The following PDGFD variants were observed in gnomAD, a reference collection of about 807,000 sequenced individuals.
PDGFD encodes the protein platelet-derived growth factor D.
PDGFD carries 30 observed loss-of-function variants against 44.7 expected under a neutral mutation model. The observed-to-expected ratio is 0.67, with a 90% confidence interval of 0.50 to 0.91. The LOEUF is 0.91. Ranked by LOEUF, PDGFD falls within the 40% of genes least tolerant of loss-of-function variation. PDGFD has a pLI of 0.00. For missense variants in PDGFD, 445 were observed against 457.8 expected, an observed-to-expected ratio of 0.97 and a Z score of 0.25; for synonymous variants, 173 against 168.4, an observed-to-expected ratio of 1.03 and a Z score of -0.21.
At chr11:103,974,065 C>A (rs2134346407) in intron 3 of PDGFD, among the ~76,000 whole-genome samples, 1 of 152,028 alleles carries the variant, frequency 6.6e-6, no homozygotes, top group Non-Finnish European at 1.5e-5. Context: ...TTCTTGTTTA[C>A]TGTGTAGAAA....
At chr11:103,980,195 G>C (rs1432424742) in intron 3 of PDGFD, among the ~76,000 whole-genome samples, 1 of 151,838 alleles carries the variant, frequency 6.6e-6, no homozygotes, top group East Asian at 1.9e-4. Flanking sequence ...TCTGTTTTTA[G>C]CATTTCAGGA....
In PDGFD at chr11:104,128,440, G is replaced by A. The variant is rs575529879; in HGVS notation, c.124+35364C>T. Among the ~76,000 whole-genome samples, 230 of 152,138 alleles carry A rather than the reference G, an allele frequency of 1.5e-3. 3 individuals carry two copies. The highest frequency in any genetic ancestry group is 7.7e-3 in the Admixed American group (118 of 15,274). ...CATTCATCACAGCAAACAAAACACC[G>A]ATTTTGCTTTCAAACATCTCTAGAC... On this transcript the variant is annotated intron_variant, in intron 1 of 6. Coordinates refer to ENST00000393158, the MANE Select transcript of PDGFD (RefSeq NM_025208.5).
At chr11:103,911,780 C>T (rs1365557170) in intron 6 of PDGFD, among the ~76,000 whole-genome samples, 1 of 151,846 alleles carries the variant, frequency 6.6e-6, no homozygotes, top group African/African-American at 2.4e-5. Context: ...TAGAGAAGAA[C>T]ATAAATGACC....
chr11:103,980,007 C>A (rs1312116013), intron 3 of PDGFD, among the ~76,000 whole-genome samples: 1 of 151,972 alleles, frequency 6.6e-6, no homozygotes, highest in Non-Finnish European at 1.5e-5. Flanking sequence ...TTAGTTAAGA[C>A]TTTGTATGCG....
At chr11:104,080,647 T>C (rs1861032028) in intron 1 of PDGFD, among the ~76,000 whole-genome samples, 1 of 152,228 alleles carries the variant, frequency 6.6e-6, no homozygotes. Context: ...ATCATGATCC[T>C]TGCTTACTTC....
chr11:103,927,247 C>G, intron 5 of PDGFD, 121 bp from the exon 6 acceptor site: 1 of 841,082 alleles, frequency 1.2e-6, no homozygotes, highest in Non-Finnish European at 1.9e-6. Flanking sequence ...GGGATTAAAT[C>G]CATCCTCAGG....
intron 1 of PDGFD, among the ~76,000 whole-genome samples, chr11:104,093,255 G>A (rs1170215767): frequency 1.3e-5 from 2 of 152,022 alleles, no homozygotes; most frequent in Non-Finnish European, 2.9e-5. Context: ...GGGGGGAGGT[G>A]ATGGGAGATT....
intron 5 of PDGFD, among the ~76,000 whole-genome samples, chr11:103,927,778 C>G (rs1858341971): frequency 6.6e-6 from 1 of 152,208 alleles, no homozygotes; most frequent in Non-Finnish European, 1.5e-5. Context: ...AAAGTTACAA[C>G]TGCCTTCAAT....
intron 1 of PDGFD, among the ~76,000 whole-genome samples, chr11:104,085,155 C>A (rs1861111634): frequency 9.0e-6 from 1 of 111,522 alleles, no homozygotes; most frequent in East Asian, 2.9e-4. Flanking sequence ...AATTGTGTCA[C>A]CCCATCACCA....
chr11:104,038,263 G>C (rs1591134000), intron 1 of PDGFD: 1 of 445,004 alleles, frequency 2.2e-6, no homozygotes, highest in East Asian at 3.6e-5. Context: ...CTGATTTCCA[G>C]ATAATCCATG....
Position 103,947,703 on chromosome 11 carries a change from C to G in PDGFD, c.532G>C (p.Ala178Pro). ...ACAGATTCCCAGTTGGTCTCTGAAG[C>G]TGCTGCGGGTTGGAAATCTTCCTGG... ...SLLEDFQPAA[A>P]SETNWESVTS... is the part of the protein sequence containing the mutation. The change falls in exon 4 of 7, where the codon GCT becomes CCT. Residue 178 changes from alanine to proline, a missense_variant. Transcript: ENST00000393158. The G allele has an allele frequency of 6.2e-7, 1 of 1,613,602 alleles. No homozygotes were observed. Among genetic ancestry groups the G allele is most frequent in the Non-Finnish European group, 8.5e-7 (1 of 1,179,620 alleles).
chr11:104,004,871 C>T (rs1195536257), intron 1 of PDGFD, among the ~76,000 whole-genome samples: 3 of 85,250 alleles, frequency 3.5e-5, no homozygotes, highest in Non-Finnish European at 7.1e-5. Flanking sequence ...ATTATTACCA[C>T]CTTTTTTTTT....
intron 1 of PDGFD, among the ~76,000 whole-genome samples, chr11:104,125,929 C>T (rs922057663): frequency 6.6e-6 from 1 of 152,116 alleles, no homozygotes; most frequent in African/African-American, 2.4e-5. Flanking sequence ...ACAGTGACAT[C>T]GTTACATAGA....
intron 5 of PDGFD, among the ~76,000 whole-genome samples, chr11:103,934,548 A>G (rs1318703797): frequency 1.3e-5 from 2 of 152,210 alleles, no homozygotes; most frequent in Non-Finnish European, 2.9e-5. Flanking sequence ...TAAAGAAAAG[A>G]GGTTTAATGG....
rs560253401 is a variant in PDGFD, at chr11:103,954,407, G to A, written c.511-6683C>T. Among the ~76,000 whole-genome samples, 12 of 152,226 alleles carry A rather than the reference G, an allele frequency of 7.9e-5. No individual in the cohort carries two copies. The South Asian group carries it at 2.1e-3, about 26-fold the overall frequency. ...CACAGACCAATACTTCAAACATTTGGGATGATTAGTTGTACCACCTGTTCC... is the reference window on the plus strand; with the variant it reads ...CACAGACCAATACTTCAAACATTTGAGATGATTAGTTGTACCACCTGTTCC... On this transcript the variant is annotated intron_variant, in intron 3 of 6. Coordinates refer to ENST00000393158, the MANE Select transcript of PDGFD (RefSeq NM_025208.5).
At chr11:104,049,890 G>T (rs969523493) in intron 1 of PDGFD, among the ~76,000 whole-genome samples, 5 of 152,092 alleles carry the variant, frequency 3.3e-5, no homozygotes, top group Non-Finnish European at 7.4e-5. Flanking sequence ...GTTAGAAGGG[G>T]GTTGAGGAGC....
chr11:104,135,720 C>T (rs567081050), intron 1 of PDGFD, among the ~76,000 whole-genome samples: 1 of 152,198 alleles, frequency 6.6e-6, no homozygotes, highest in African/African-American at 2.4e-5. Flanking sequence ...GTGCCATTCA[C>T]CAAGATAGAG....
chr11:104,034,422 C>T (rs1263472421), intron 1 of PDGFD, among the ~76,000 whole-genome samples: 1 of 152,154 alleles, frequency 6.6e-6, no homozygotes, highest in Non-Finnish European at 1.5e-5. Flanking sequence ...AGTCTTCCAT[C>T]TGAGACAAAT....
At chr11:103,989,195 T>C (rs1345813448) in intron 3 of PDGFD, among the ~76,000 whole-genome samples, 1 of 152,174 alleles carries the variant, frequency 6.6e-6, no homozygotes, top group Non-Finnish European at 1.5e-5. Flanking sequence ...GGAATACAAT[T>C]TGATTAACAT....
Sources: gnomAD v4.1 joint callset for allele counts (sites outside exome capture counted in the v4.1 genomes callset) on GRCh38, gnomAD v4.1.1 for gene constraint, MANE v1.5 for transcripts, NCBI Gene and HGNC (gene_info 2026-07-23, HGNC 2026-07-21) for gene names.